SPOCK3: variants seen among roughly 807,000 people sequenced by gnomAD.
The protein encoded by SPOCK3 is testican-3.
Under a neutral mutation model 56.6 loss-of-function variants are expected in SPOCK3, and 30 were observed. That is an observed-to-expected ratio of 0.53 (90% CI 0.40 to 0.72). The LOEUF is 0.72. Ranked by LOEUF, SPOCK3 falls within the 30% of genes least tolerant of loss-of-function variation. SPOCK3 has a pLI of 0.00. For missense variants in SPOCK3, 527 were observed against 530.0 expected (o/e 0.99, Z 0.06); for synonymous variants, 196 against 183.3 (o/e 1.07, Z -0.56).
At chr4:167,158,910 T>A (rs961659925) in intron 2 of SPOCK3, among the ~76,000 whole-genome samples, 1 of 151,988 alleles carries the variant, frequency 6.6e-6, no homozygotes, top group African/African-American at 2.4e-5. Flanking sequence ...AACAGTAAAA[T>A]ACCTACTCAT....
intron 8 of SPOCK3, among the ~76,000 whole-genome samples, chr4:166,743,651 G>A (rs769374794): frequency 3.6e-4 from 55 of 152,298 alleles, no homozygotes; most frequent in Non-Finnish European, 7.6e-4. Context: ...GAAGCAGGGC[G>A]GGACATCGCC....
chr4:167,039,958 T>C (rs1163170574), intron 3 of SPOCK3, among the ~76,000 whole-genome samples: 1 of 152,154 alleles, frequency 6.6e-6, no homozygotes, highest in Non-Finnish European at 1.5e-5. Flanking sequence ...AAGCTAAATG[T>C]TAATCTGAAA....
chr4:166,899,922 C>A (rs923241743), intron 5 of SPOCK3, among the ~76,000 whole-genome samples: 5 of 152,140 alleles, frequency 3.3e-5, no homozygotes, highest in Non-Finnish European at 7.4e-5. Flanking sequence ...AAAATGTAGG[C>A]CCAAAATCTT....
intron 5 of SPOCK3, among the ~76,000 whole-genome samples, chr4:166,891,091 C>G (rs1271438176): frequency 6.6e-6 from 1 of 151,582 alleles, no homozygotes; most frequent in Non-Finnish European, 1.5e-5. Flanking sequence ...TTTTTTTGCT[C>G]TCCATTTGCT....
intron 4 of SPOCK3, among the ~76,000 whole-genome samples, chr4:166,965,371 G>A (rs997908645): frequency 6.7e-6 from 1 of 150,104 alleles, no homozygotes; most frequent in Non-Finnish European, 1.5e-5. Context: ...AAGGTCTGCT[G>A]GCAAAGAATT....
At chr4:166,846,164 T>G (rs1748038108) in intron 6 of SPOCK3, among the ~76,000 whole-genome samples, 1 of 152,192 alleles carries the variant, frequency 6.6e-6, no homozygotes. Context: ...CCATCCATCC[T>G]TGACTGAAAC....
intron 7 of SPOCK3, among the ~76,000 whole-genome samples, chr4:166,782,660 A>G (rs1174816940): frequency 1.3e-5 from 2 of 152,176 alleles, no homozygotes; most frequent in African/African-American, 4.8e-5. Flanking sequence ...ATATGAAAAA[A>G]TAGGTAGCAT....
chr4:167,141,350 C>T (rs1763513839), intron 2 of SPOCK3, among the ~76,000 whole-genome samples: 2 of 152,126 alleles, frequency 1.3e-5, no homozygotes, highest in Admixed American at 1.3e-4. Context: ...TTAAATAGAG[C>T]AACTGTTCCA....
chr4:167,059,416 G>A (rs1458056820), intron 3 of SPOCK3, among the ~76,000 whole-genome samples: 1 of 151,886 alleles, frequency 6.6e-6, no homozygotes, highest in East Asian at 1.9e-4. Context: ...CACCATCACT[G>A]GCCATCAGAG....
chr4:166,791,860 T>G (rs2126653983), intron 7 of SPOCK3, among the ~76,000 whole-genome samples: 1 of 152,284 alleles, frequency 6.6e-6, no homozygotes, highest in South Asian at 2.1e-4. Flanking sequence ...ATTTTTTACC[T>G]TTACTTTCTA....
chr4:166,909,986 T>C (rs1447135068), intron 5 of SPOCK3, among the ~76,000 whole-genome samples: 2 of 152,148 alleles, frequency 1.3e-5, no homozygotes, highest in Non-Finnish European at 2.9e-5. Flanking sequence ...TACTTTCTTA[T>C]GAGGGGGGAA....
intron 2 of SPOCK3, among the ~76,000 whole-genome samples, chr4:167,190,619 A>T (rs1209055113): frequency 6.9e-6 from 1 of 145,644 alleles, no homozygotes; most frequent in Non-Finnish European, 1.5e-5. Flanking sequence ...ATTCTGATGT[A>T]GTCTCACTTG....
intron 2 of SPOCK3, among the ~76,000 whole-genome samples, chr4:167,085,812 G>A (rs961017095): frequency 3.9e-5 from 6 of 152,036 alleles, no homozygotes; most frequent in African/African-American, 1.4e-4. Context: ...CAAAGTAGAA[G>A]TAATATATAT....
At chr4:166,885,206 A>G (rs1284256165) in intron 6 of SPOCK3, among the ~76,000 whole-genome samples, 8 of 150,210 alleles carry the variant, frequency 5.3e-5, no homozygotes, top group South Asian at 4.3e-4. Flanking sequence ...TATTACCCCA[A>G]TTCAATTTTT....
chr4:166,762,195 C>A (rs1737333532), intron 7 of SPOCK3, among the ~76,000 whole-genome samples: 1 of 152,062 alleles, frequency 6.6e-6, no homozygotes, highest in Non-Finnish European at 1.5e-5. Flanking sequence ...TTCCTATTTT[C>A]TGTGCAAGTG....
chr4:166,778,645 T>A (rs2126605478), intron 7 of SPOCK3, among the ~76,000 whole-genome samples: 1 of 152,296 alleles, frequency 6.6e-6, no homozygotes, highest in African/African-American at 2.4e-5. Context: ...TAAAAATTAT[T>A]TTAGGTTCCA....
intron 2 of SPOCK3, among the ~76,000 whole-genome samples, chr4:167,068,937 C>T (rs1163392840): frequency 1.3e-5 from 2 of 151,790 alleles, no homozygotes; most frequent in African/African-American, 4.8e-5. Flanking sequence ...CATGGTGAAC[C>T]TAACTTATAA....
chr4:166,879,232 A>G (rs184324965), intron 6 of SPOCK3, among the ~76,000 whole-genome samples: 1 of 152,248 alleles, frequency 6.6e-6, no homozygotes, highest in East Asian at 1.9e-4. Context: ...GTTTACCAAT[A>G]AGAGTTATAG....
At chr4:166,748,568 A>G (rs1465323428) in intron 8 of SPOCK3, among the ~76,000 whole-genome samples, 1 of 136,878 alleles carries the variant, frequency 7.3e-6, no homozygotes, top group Non-Finnish European at 1.5e-5. Flanking sequence ...TTCAGGACAT[A>G]GGCATGGGCA....
Sources: allele counts gnomAD v4.1 joint callset (sites outside exome capture counted in the v4.1 genomes callset), GRCh38; gene constraint gnomAD v4.1.1; transcripts MANE v1.5; gene names NCBI Gene and HGNC (gene_info 2026-07-23, HGNC 2026-07-21).